ALK: variants seen among roughly 807,000 people sequenced by gnomAD.
ALK encodes the protein ALK tyrosine kinase receptor.
In ALK, 74 loss-of-function variants were observed where a neutral mutation model predicts 163.1. The ratio of observed to expected loss-of-function variants is 0.45; its 90% CI spans 0.38 to 0.55. ALK has a LOEUF of 0.55. ALK is among the 20% of genes least tolerant of loss of function. The probability of loss-of-function intolerance (pLI) is 0.00; values close to 1 mark genes in which losing one functional copy is unlikely to be tolerated. For synonymous variants in ALK, 960 were observed against 843.2 expected (o/e 1.14, Z -2.40); for missense variants, 2,063 against 2,105.3 (o/e 0.98, Z 0.39).
Position 29,717,628 on chromosome 2 carries a change from G to A in ALK, c.737C>T (p.Thr246Ile). Residue 246 changes from threonine (T) to isoleucine (I), a missense_variant, in exon 2 of 29, where the codon ACC becomes ATC. This residue lies in a region of ALK where 987 missense variants were observed against 939.5 expected (regional missense o/e 1.05). Transcript: ENST00000389048. ...PSPDYFTWNL[T>I]WIMKDSFPFL... ...AGGGAAGGAGTCTTTCATTATCCAG[G>A]TGAGATTCCATGTAAAATAATCAGG... The A allele has an allele frequency of 6.2e-7, 1 of 1,613,932 alleles. No homozygotes were observed. Among genetic ancestry groups the A allele is most frequent in the South Asian group, 1.1e-5 (1 of 91,070 alleles).
At chr2:29,629,027 C>A (rs1676281766) in intron 3 of ALK, among the ~76,000 whole-genome samples, 2 of 152,092 alleles carry the variant, frequency 1.3e-5, no homozygotes, top group Admixed American at 6.6e-5. Context: ...TGTTGGCAGG[C>A]AAAGCTATCT....
intron 3 of ALK, among the ~76,000 whole-genome samples, chr2:29,658,526 C>T (rs1677256420): frequency 6.6e-6 from 1 of 152,134 alleles, no homozygotes; most frequent in South Asian, 2.1e-4. Flanking sequence ...AACAACACTT[C>T]CAGGAAGACA....
At chr2:29,379,664 G>A (rs1463341647) in intron 5 of ALK, among the ~76,000 whole-genome samples, 1 of 152,130 alleles carries the variant, frequency 6.6e-6, no homozygotes, top group Non-Finnish European at 1.5e-5. Context: ...TGATGTGGGA[G>A]GCAATAAGAA....
intron 4 of ALK, among the ~76,000 whole-genome samples, chr2:29,420,751 G>A (rs1320142882): frequency 6.6e-6 from 1 of 151,438 alleles, no homozygotes; most frequent in Non-Finnish European, 1.5e-5. Context: ...CACCCTTTAC[G>A]ACCCGCTTTG....
intron 7 of ALK, among the ~76,000 whole-genome samples, chr2:29,319,523 G>A (rs906768640): frequency 6.6e-6 from 1 of 152,204 alleles, no homozygotes; most frequent in Non-Finnish European, 1.5e-5. Context: ...CTTGGTGGGA[G>A]AGGGGGTAGT....
intron 1 of ALK, among the ~76,000 whole-genome samples, chr2:29,919,628 A>G (rs1284027447): frequency 6.6e-6 from 1 of 152,204 alleles, no homozygotes; most frequent in Non-Finnish European, 1.5e-5. Context: ...TAGTTTTGAC[A>G]TCTACTACTA....
chr2:29,593,113 C>G (rs1225472873), intron 3 of ALK, among the ~76,000 whole-genome samples: 3 of 152,220 alleles, frequency 2.0e-5, no homozygotes, highest in Admixed American at 2.0e-4. Context: ...GACTGGGCCT[C>G]ACGAGTTCAG....
At chr2:29,411,809 G>A (rs978185249) in intron 4 of ALK, among the ~76,000 whole-genome samples, 1 of 152,090 alleles carries the variant, frequency 6.6e-6, no homozygotes, top group Non-Finnish European at 1.5e-5. Context: ...CCACACCCAC[G>A]TTAAACTTAT....
intron 5 of ALK, among the ~76,000 whole-genome samples, chr2:29,354,159 C>T (rs1235929109): frequency 1.3e-5 from 2 of 152,182 alleles, no homozygotes; most frequent in Non-Finnish European, 2.9e-5. Context: ...TAAGAAAAGA[C>T]TGTAGAAGTG....
chr2:29,739,240 TAAAAAAAAAAAAAAAAAA>T (rs57381961), intron 1 of ALK, among the ~76,000 whole-genome samples: 462 of 40,356 alleles, frequency 0.011, 7 homozygotes, highest in Middle Eastern at 0.11. Context: ...CAGTCTCTCT[TAAAAAAAAAAAAAAAAAA>T]AAAAAAAAAA....
At chr2:29,907,240 C>A (rs1667576936) in intron 1 of ALK, 2 of 152,104 alleles carry the variant, frequency 1.3e-5, no homozygotes, top group South Asian at 4.1e-4. Context: ...TTTCAGATAC[C>A]TGAAATCTTT....
chr2:29,254,914 C>T (rs1664914459), intron 11 of ALK, among the ~76,000 whole-genome samples: 1 of 152,182 alleles, frequency 6.6e-6, no homozygotes, highest in Non-Finnish European at 1.5e-5. Flanking sequence ...ACATTAGTCT[C>T]CAGTGGTTTC....
chr2:29,256,382 G>C (rs904412666), intron 11 of ALK, among the ~76,000 whole-genome samples: 1 of 152,104 alleles, frequency 6.6e-6, no homozygotes. Context: ...CACACATGCA[G>C]GAAATGCCGT....
intron 4 of ALK, among the ~76,000 whole-genome samples, chr2:29,522,764 C>A (rs1434668964): frequency 6.6e-6 from 1 of 152,180 alleles, no homozygotes; most frequent in African/African-American, 2.4e-5. Context: ...ACTGAAGGGA[C>A]AACAGGCCAT....
intron 1 of ALK, among the ~76,000 whole-genome samples, chr2:29,894,769 A>G (rs1667225692): frequency 6.6e-6 from 1 of 151,870 alleles, no homozygotes; most frequent in Admixed American, 6.6e-5. Context: ...TTAATTCTCA[A>G]CTATTTTGCT....
rs981321412 is a variant in ALK at position 29,274,875 on chromosome 2, G to A, written c.2041+224C>T. 1.7e-4 allele frequency among the ~76,000 whole-genome samples: 26 copies of A among 152,174 alleles called. No individual in the cohort carries two copies. The South Asian group carries it at 2.7e-3, about 16-fold the overall frequency. On this transcript the variant is annotated intron_variant, in intron 11 of 28. Coordinates refer to ENST00000389048, the MANE Select transcript of ALK (RefSeq NM_004304.5). ...GGCCTAGGTATTCCCTAGGCATAGA[G>A]GAAGCTGCTCCTTTGTACAACCTCC...
intron 3 of ALK, among the ~76,000 whole-genome samples, chr2:29,649,382 T>TGGACA (rs1466496232): frequency 2.0e-4 from 31 of 152,288 alleles, no homozygotes; most frequent in African/African-American, 7.2e-4. Context: ...TCACTGTGCT[T>TGGACA]TCTGTTAGAA....
At chr2:29,215,419 T>A (rs1669575531) in intron 23 of ALK, among the ~76,000 whole-genome samples, 1 of 152,122 alleles carries the variant, frequency 6.6e-6, no homozygotes, top group Non-Finnish European at 1.5e-5. Flanking sequence ...GGGAGACAAC[T>A]GAGAGTGGAT....
chr2:29,729,764 G>A (rs572836742), intron 1 of ALK, among the ~76,000 whole-genome samples: 1 of 152,246 alleles, frequency 6.6e-6, no homozygotes, highest in East Asian at 1.9e-4. Context: ...CACATCTTGA[G>A]TGCATCTTTC....
Sources: allele counts gnomAD v4.1 joint callset (sites outside exome capture counted in the v4.1 genomes callset), GRCh38; gene constraint gnomAD v4.1.1; regional missense constraint gnomAD v4.1.1; transcripts MANE v1.5; gene names NCBI Gene and HGNC (gene_info 2026-07-23, HGNC 2026-07-21).